Variants in RORB observed in about 807,000 individuals in gnomAD.
RORB encodes RAR related orphan receptor B.
A neutral mutation model predicts 59.1 loss-of-function variants in RORB; 6 were observed. The observed-to-expected ratio is 0.10, with a 90% confidence interval of 0.06 to 0.20. The LOEUF is 0.20. Among genes scored for constraint, RORB ranks in the 10% least tolerant of loss-of-function variants. RORB has a pLI of 1.00. For missense variants in RORB, 320 were observed against 560.5 expected, an observed-to-expected ratio of 0.57 and a Z score of 4.33; for synonymous variants, 215 against 204.5, an observed-to-expected ratio of 1.05 and a Z score of -0.44.
At chr9:74,572,653 C>T (rs1224281457) in intron 1 of RORB, among the ~76,000 whole-genome samples, 2 of 152,120 alleles carry the variant, frequency 1.3e-5, no homozygotes, top group East Asian at 1.9e-4. Context: ...AAATTAAAAC[C>T]GGTAAGGAGA....
intron 9 of RORB, among the ~76,000 whole-genome samples, chr9:74,680,787 T>C (rs1824535499): frequency 6.6e-6 from 1 of 152,230 alleles, no homozygotes; most frequent in Non-Finnish European, 1.5e-5. Context: ...GATCAAACCA[T>C]TGCTGGCTTC....
chr9:74,579,335 T>G (rs971474524), intron 1 of RORB, among the ~76,000 whole-genome samples: 1 of 152,140 alleles, frequency 6.6e-6, no homozygotes, highest in African/African-American at 2.4e-5. Context: ...ATTTACACAT[T>G]GCAAAGTGTA....
In RORB at chr9:74,667,873, G is replaced by A; in HGVS notation, c.1083G>A (p.Leu361=). The part of the protein sequence containing the change: ...SLQLTEEEIA[L]FSSAVLISPD... Reference sequence around the variant, plus strand: ...AGCTGACCGAGGAGGAGATCGCTTTGTTCTCATCTGCTGTTCTGATATCTC... The same window carrying A: ...AGCTGACCGAGGAGGAGATCGCTTTATTCTCATCTGCTGTTCTGATATCTC... Residue 361 remains leucine, a synonymous_variant, in exon 8 of 10, where the codon TTG becomes TTA. Transcript: ENST00000376896. 1.2e-6 allele frequency: 2 copies of A among 1,612,238 alleles called. No individual in the cohort carries two copies. The highest frequency in any genetic ancestry group is 1.7e-6 in the Non-Finnish European group (2 of 1,178,346).
rs115875365 is a variant in RORB at position 74,540,358 on chromosome 9, C to T, written c.7+42375C>T. Among the ~76,000 whole-genome samples the T allele has an allele frequency of 4.8e-3, 734 of 152,216 alleles. 1 individual carries two copies. Among genetic ancestry groups the T allele is most frequent in the African/African-American group, 0.017 (707 of 41,526 alleles). On this transcript the variant is annotated intron_variant, in intron 1 of 9. Transcript: ENST00000376896. ...TGTAACCTCAGTCACATTATTTAAC[C>T]CCTCTATGCTTCAATTTCTGCATCT... is the stretch of plus-strand genomic sequence containing the variant.
At chr9:74,561,006 T>TCCCAG (rs1214872035) in intron 1 of RORB, among the ~76,000 whole-genome samples, 2 of 152,158 alleles carry the variant, frequency 1.3e-5, no homozygotes, top group African/African-American at 4.8e-5. Flanking sequence ...CAGTTATTCC[T>TCCCAG]CCCAGCTCCT....
chr9:74,572,056 C>T (rs1030605822), intron 1 of RORB, among the ~76,000 whole-genome samples: 7 of 152,090 alleles, frequency 4.6e-5, no homozygotes, highest in African/African-American at 1.7e-4. Flanking sequence ...AACATAGCAC[C>T]ACCTGAGATA....
chr9:74,559,160 T>A (rs770230993), intron 1 of RORB, among the ~76,000 whole-genome samples: 4 of 152,200 alleles, frequency 2.6e-5, no homozygotes, highest in Non-Finnish European at 5.9e-5. Context: ...TATATAAAAT[T>A]ACTACTGTTT....
chr9:74,664,236 G>A (rs952717654), intron 6 of RORB, among the ~76,000 whole-genome samples: 5 of 152,176 alleles, frequency 3.3e-5, no homozygotes, highest in African/African-American at 2.4e-5. Flanking sequence ...ATTATTGACA[G>A]TTCAGAGACA....
chr9:74,519,351 G>A (rs187516247), intron 1 of RORB, among the ~76,000 whole-genome samples: 1 of 151,930 alleles, frequency 6.6e-6, no homozygotes, highest in Non-Finnish European at 1.5e-5. Context: ...ATTCAATGAA[G>A]GGAGATTCTT....
At chr9:74,553,755 T>A (rs1826647795) in intron 1 of RORB, among the ~76,000 whole-genome samples, 2 of 152,168 alleles carry the variant, frequency 1.3e-5, no homozygotes, top group South Asian at 4.1e-4. Context: ...GTTTTAAGTA[T>A]CAAGCAAATG....
chr9:74,684,254 A>G lies in RORB; in HGVS notation c.1225-1209A>G, dbSNP rs141707895. Among the ~76,000 whole-genome samples the G allele has an allele frequency of 1.6e-3, 246 of 152,354 alleles. 5 individuals carry two copies. In the East Asian group the frequency reaches 0.029, roughly 18 times the overall value. On this transcript the variant is annotated intron_variant, in intron 9 of 9. Coordinates refer to ENST00000376896, the MANE Select transcript of RORB (RefSeq NM_006914.4). ...ATTTTGAAAAACCACAAGGCAACTA[A>G]TTATCTATTTCCTCTTTTATTTCAA...
Position 74,497,898 on chromosome 9 carries a change from T to A in RORB, c.-79T>A. The A allele has an allele frequency of 6.4e-7, 1 of 1,566,962 alleles. No individual in the cohort carries two copies. Among genetic ancestry groups the A allele is most frequent in the Non-Finnish European group, 8.7e-7 (1 of 1,147,706 alleles). On this transcript the variant is annotated 5_prime_UTR_variant, in exon 1 of 10. An upstream open reading frame in the 5' UTR loses its in-frame stop. Coordinates refer to ENST00000376896, the MANE Select transcript of RORB (RefSeq NM_006914.4). ...CGCCGACCACCTTCTTCACTCGTGC[T>A]GAGCGGGATTTTTGGGCTCTCCGGG...
intron 1 of RORB, among the ~76,000 whole-genome samples, chr9:74,504,659 G>A (rs1455476940): frequency 6.6e-6 from 1 of 151,914 alleles, no homozygotes; most frequent in African/African-American, 2.4e-5. Context: ...TAATTTAGAG[G>A]AATCACGGAC....
chr9:74,516,786 T>C (rs1161972562), intron 1 of RORB, among the ~76,000 whole-genome samples: 1 of 152,084 alleles, frequency 6.6e-6, no homozygotes, highest in Non-Finnish European at 1.5e-5. Flanking sequence ...GTGCACTTGA[T>C]TTGAGTCTGG....
At chr9:74,610,469 C>G (rs1221881299) in intron 1 of RORB, among the ~76,000 whole-genome samples, 1 of 152,116 alleles carries the variant, frequency 6.6e-6, no homozygotes, top group Non-Finnish European at 1.5e-5. Flanking sequence ...ATTATGTGCC[C>G]AGGGCTGGAC....
At position 74,692,841 on chromosome 9, in the gene RORB, ATCTC is replaced by A. The variant is rs916991118; in HGVS notation, c.*7230_*7233del. 6.6e-6 allele frequency: 1 copy of A among 152,236 alleles called. No homozygotes were observed. Among genetic ancestry groups the A allele is most frequent in the African/African-American group, 2.4e-5 (1 of 41,554 alleles). 9.4% of individuals were successfully genotyped at this position (152,236 alleles called of 1,614,324 possible). On this transcript the variant is annotated 3_prime_UTR_variant, in exon 10 of 10. Transcript: ENST00000376896. The stretch of plus-strand genomic sequence containing the variant: ...TAGTTTTAAAATCTACAATTTTCTG[ATCTC>A]TCTCTCCTTGTTTAATATATAAGCC...
chr9:74,578,157 C>T (rs1214803146), intron 1 of RORB, among the ~76,000 whole-genome samples: 1 of 152,012 alleles, frequency 6.6e-6, no homozygotes, highest in Non-Finnish European at 1.5e-5. Context: ...ACTATGCTTG[C>T]TGTTTTTCTT....
chr9:74,625,230 T>C (rs1405296371), intron 1 of RORB, among the ~76,000 whole-genome samples: 1 of 152,222 alleles, frequency 6.6e-6, no homozygotes, highest in Non-Finnish European at 1.5e-5. Context: ...TAATTGCCAA[T>C]GGGTGTCTCA....
Position 74,536,595 on chromosome 9 carries a change from A to G in RORB, c.7+38612A>G, listed in dbSNP as rs12005099. Among the ~76,000 whole-genome samples the G allele has an allele frequency of 3.8e-3, 575 of 152,124 alleles. 7 individuals carry two copies. The highest frequency in any genetic ancestry group is 0.013 in the African/African-American group (555 of 41,532). ...CTTTCTGGAGCAAACTCAATTGACTACATTATTCCAAACCAATTGTTCACT... is the reference window on the plus strand; with the variant it reads ...CTTTCTGGAGCAAACTCAATTGACTGCATTATTCCAAACCAATTGTTCACT... On this transcript the variant is annotated intron_variant, in intron 1 of 9. Coordinates refer to ENST00000376896, the MANE Select transcript of RORB (RefSeq NM_006914.4).
Sources: gnomAD v4.1 joint callset for allele counts (sites outside exome capture counted in the v4.1 genomes callset) on GRCh38, gnomAD v4.1.1 for gene constraint, MANE v1.5 for transcripts, NCBI Gene and HGNC (gene_info 2026-07-23, HGNC 2026-07-21) for gene names.